Variants in SARDH observed in about 807,000 individuals in gnomAD.
SARDH encodes sarcosine dehydrogenase, mitochondrial.
A neutral mutation model predicts 109.1 loss-of-function variants in SARDH; 95 were observed. That is an observed-to-expected ratio of 0.87 (90% CI 0.74 to 1.03). SARDH has a LOEUF of 1.03. Ranked by LOEUF, SARDH falls within the 50% of genes least tolerant of loss-of-function variation. The probability of loss-of-function intolerance (pLI) is 0.00; values close to 1 mark genes in which losing one functional copy is unlikely to be tolerated. For missense variants in SARDH, 1,267 were observed against 1,287.8 expected (o/e 0.98, Z 0.25); for synonymous variants, 572 against 534.8 (o/e 1.07, Z -0.96).
chr9:133,705,961 C>T (rs1327905986), intron 11 of SARDH, among the ~76,000 whole-genome samples: 1 of 152,154 alleles, frequency 6.6e-6, no homozygotes, highest in East Asian at 1.9e-4. Context: ...TCTCCAGGAA[C>T]CCATCGTCTG....
rs1831169447 is a variant in SARDH, at chr9:133,693,358, T to G, written c.1921+900A>C. 1.3e-5 allele frequency among the ~76,000 whole-genome samples: 2 copies of G among 152,096 alleles called. No homozygotes were observed. Among genetic ancestry groups the G allele is most frequent in the African/African-American group, 4.8e-5 (2 of 41,402 alleles). On this transcript the variant is annotated intron_variant, in intron 15 of 20. Transcript: ENST00000439388. The surrounding 1 kb of genome is among the most constrained non-coding windows in gnomAD (Gnocchi z 5.6). ...TCTCCCCCAGTGCCCAAGCTGGGGC[T>G]CGACACTGACCGAGTCCCAGTGAGG...
At chr9:133,683,735 C>T (rs1830781106) in intron 17 of SARDH, among the ~76,000 whole-genome samples, 1 of 152,244 alleles carries the variant, frequency 6.6e-6, no homozygotes, top group African/African-American at 2.4e-5. Flanking sequence ...GATTGTTTAT[C>T]TGCTAACAGA....
rs1830900035 is a variant in SARDH, at chr9:133,686,747, C to G, written c.2070-1461G>C. 6.6e-6 allele frequency among the ~76,000 whole-genome samples: 1 copy of G among 152,158 alleles called. No homozygotes were observed. Among genetic ancestry groups the G allele is most frequent in the Non-Finnish European group, 1.5e-5 (1 of 68,030 alleles). ...TGGGCTGTCCAGAAGTACTGCTGAC[C>G]CTAATCCCAATCGTCACAGTGCTGG... On this transcript the variant is annotated intron_variant, in intron 16 of 20. Coordinates refer to ENST00000439388, the MANE Select transcript of SARDH (RefSeq NM_001134707.2). The surrounding 1 kb of genome is among the most constrained non-coding windows in gnomAD (Gnocchi z 4.0).
At chr9:133,698,917 C>G (rs1157472088) in intron 13 of SARDH, among the ~76,000 whole-genome samples, 3 of 152,170 alleles carry the variant, frequency 2.0e-5, no homozygotes, top group African/African-American at 7.2e-5. Context: ...ATGAATTGGA[C>G]AGCATCAACA....
In SARDH at chr9:133,666,969, C is replaced by A; in HGVS notation, c.2496-99G>T. The A allele has an allele frequency of 6.6e-7, 1 of 1,511,574 alleles. No individual in the cohort carries two copies. Among genetic ancestry groups the A allele is most frequent in the Non-Finnish European group, 9.0e-7 (1 of 1,110,226 alleles). The allele number at this position is 1,511,574 out of a possible 1,614,324, so 93.6% of individuals were successfully genotyped here. A position where few individuals can be genotyped will look rare whatever the true frequency, so the allele number is the denominator to read the frequency against. ...AGAATGGGGGGCTGCATGATGCACA[C>A]CCAACCGTGGCTCCAGGCAGATAGG... On this transcript the variant is annotated intron_variant, in intron 19 of 20. Transcript: ENST00000439388. This position sits in a 1 kb window ranked among gnomAD's most constrained non-coding sequence, Gnocchi z 5.2.
chr9:133,723,686 C>G (rs1832399699), intron 6 of SARDH, among the ~76,000 whole-genome samples: 1 of 152,126 alleles, frequency 6.6e-6, no homozygotes, highest in African/African-American at 2.4e-5. Context: ...TGGCATGAAC[C>G]CAGGAGGCAG....
At position 133,666,817 on chromosome 9, in the gene SARDH, C is replaced by G; in HGVS notation, c.2549G>C (p.Gly850Ala). The G allele has an allele frequency of 6.2e-7, 1 of 1,609,320 alleles. No homozygotes were observed. The change falls in exon 20 of 21, where the codon GGC becomes GCC. Residue 850 changes from glycine (G) to alanine (A), a missense_variant. Transcript: ENST00000439388. This position sits in a 1 kb window ranked among gnomAD's most constrained non-coding sequence, Gnocchi z 5.2. ...EAIWRNGQVV[G>A]HVRRADFGFA... The stretch of plus-strand genomic sequence containing the variant: ...CCCAAAGTCAGCCCTCCGGACATGG[C>G]CCACCACTTGGCCGTTCCTCCAGAT...
At chr9:133,695,407 C>CT (rs1831248216) in intron 14 of SARDH, among the ~76,000 whole-genome samples, 2 of 152,346 alleles carry the variant, frequency 1.3e-5, no homozygotes, top group South Asian at 4.1e-4. Flanking sequence ...CGCGCCATTG[C>CT]ACTCCAGCCT....
intron 19 of SARDH, chr9:133,667,175 C>T: frequency 1.9e-6 from 1 of 537,918 alleles, no homozygotes; most frequent in South Asian, 2.8e-5. Context: ...CGATTTCCTT[C>T]CATTGTTGTT....
At chr9:133,739,277 C>T (rs959012112), upstream of SARDH, among the ~76,000 whole-genome samples, 5 of 152,200 alleles carry the variant, frequency 3.3e-5, no homozygotes, top group Admixed American at 6.5e-5. Context: ...CTGCCAATAC[C>T]GGAAGCGATC....
In SARDH at chr9:133,734,299, C is replaced by T. The variant is rs1314608129; in HGVS notation, c.-30-96G>A. 2.9e-5 allele frequency: 20 copies of T among 693,822 alleles called. No homozygotes were observed. In the East Asian group the frequency reaches 6.2e-4, roughly 21 times the overall value. 43.0% of individuals were successfully genotyped at this position (693,822 alleles called of 1,614,324 possible). On this transcript the variant is annotated intron_variant, in intron 1 of 20. Transcript: ENST00000439388. ...AATAAGGGCCCTATGGTGTTACCTC[C>T]CAGGGCCTTCCTCTTGCCACTTCCC...
Position 133,736,276 on chromosome 9 carries a change from G to C in SARDH, c.-31+1978C>G, listed in dbSNP as rs575056348. On this transcript the variant is annotated intron_variant, in intron 1 of 20. Transcript: ENST00000439388. ...CCGCCTGGAATCCTCTCTCTCCCAG[G>C]GTGCATCCGCACCTAACTTTCAAAA... 6.6e-5 allele frequency among the ~76,000 whole-genome samples: 10 copies of C among 152,248 alleles called. No individual in the cohort carries two copies. In the South Asian group the frequency reaches 2.1e-3, roughly 32 times the overall value.
In SARDH at chr9:133,718,009, T is replaced by C. The variant is rs1832190810; in HGVS notation, c.1021-554A>G. ...TCCTTCTGCTCCAGTCTCTCTAGGC[T>C]GATCCTTAACCTGCTAATTTTATTC... is the stretch of plus-strand genomic sequence containing the variant. On this transcript the variant is annotated intron_variant, in intron 7 of 20. Coordinates refer to ENST00000439388, the MANE Select transcript of SARDH (RefSeq NM_001134707.2). The surrounding 1 kb of genome is among the most constrained non-coding windows in gnomAD (Gnocchi z 4.2). Among the ~76,000 whole-genome samples the C allele has an allele frequency of 6.6e-6, 1 of 152,256 alleles. No individual in the cohort carries two copies. The highest frequency in any genetic ancestry group is 2.4e-5 in the African/African-American group (1 of 41,472).
Position 133,692,629 on chromosome 9 carries a change from G to A in SARDH, c.1921+1629C>T, listed in dbSNP as rs2131386811. Among the ~76,000 whole-genome samples, 1 of 152,214 alleles carries A rather than the reference G, an allele frequency of 6.6e-6. No homozygotes were observed. Among genetic ancestry groups the A allele is most frequent in the Non-Finnish European group, 1.5e-5 (1 of 68,012 alleles). On this transcript the variant is annotated intron_variant, in intron 15 of 20. Transcript: ENST00000439388. The surrounding 1 kb of genome is among the most constrained non-coding windows in gnomAD (Gnocchi z 5.0). ...CATCCCCTTGCATGTCCCCCTCCAG[G>A]TGTTACGGGGCCCTTCCTGCCCCCG...
rs1027755211 is a variant in SARDH at position 133,704,628 on chromosome 9, T to A, written c.1554+320A>T. On this transcript the variant is annotated intron_variant, in intron 12 of 20. Transcript: ENST00000439388. This position sits in a 1 kb window ranked among gnomAD's most constrained non-coding sequence, Gnocchi z 4.5. ...TTCCTCCTGCAACCTGGGGGAGTCTTCTTGCTGTCTCCCCACCGCAGGACA... is the reference window on the plus strand; with the variant it reads ...TTCCTCCTGCAACCTGGGGGAGTCTACTTGCTGTCTCCCCACCGCAGGACA... Among the ~76,000 whole-genome samples, 1 of 152,134 alleles carries A rather than the reference T, an allele frequency of 6.6e-6. No individual in the cohort carries two copies. The highest frequency in any genetic ancestry group is 1.5e-5 in the Non-Finnish European group (1 of 68,014).
At chr9:133,736,672 A>G (rs1832896522) in intron 1 of SARDH, among the ~76,000 whole-genome samples, 1 of 152,212 alleles carries the variant, frequency 6.6e-6, no homozygotes, top group African/African-American at 2.4e-5. Context: ...CTGGGATTAC[A>G]GGCATGAGCC....
intron 13 of SARDH, among the ~76,000 whole-genome samples, chr9:133,702,238 G>C (rs150643048): frequency 0.011 from 1,750 of 152,320 alleles, 40 homozygotes; most frequent in African/African-American, 0.039. Context: ...GGACAGCTGC[G>C]GGGGAGAACG....
chr9:133,685,082 C>T, intron 17 of SARDH, 111 bp downstream of exon 17: 1 of 863,300 alleles, frequency 1.2e-6, no homozygotes, highest in Non-Finnish European at 1.8e-6. Flanking sequence ...GACCGAGGCC[C>T]AGGGAGGCAA....
intron 7 of SARDH, 40 bp from the exon 8 acceptor site, chr9:133,717,495 A>G (rs1400022824): frequency 1.2e-6 from 2 of 1,611,334 alleles, no homozygotes; most frequent in South Asian, 1.1e-5. Context: ...GTTGTCCCCA[A>G]GAAGGCCATG....
Sources: allele counts gnomAD v4.1 joint callset (sites outside exome capture counted in the v4.1 genomes callset), GRCh38; gene constraint gnomAD v4.1.1; non-coding constraint Gnocchi (gnomAD v3.1); transcripts MANE v1.5; gene names NCBI Gene and HGNC (gene_info 2026-07-23, HGNC 2026-07-21).